POLA1: variants seen among roughly 807,000 people sequenced by gnomAD.
The protein encoded by POLA1 is DNA polymerase alpha 1, catalytic subunit.
Under a neutral mutation model 124.0 loss-of-function variants are expected in POLA1, and 15 were observed. The ratio of observed to expected loss-of-function variants is 0.12; its 90% CI spans 0.08 to 0.19. POLA1 has a LOEUF of 0.19. POLA1 is among the 10% of genes least tolerant of loss of function. The probability of loss-of-function intolerance (pLI) is 1.00; values close to 1 mark genes in which losing one functional copy is unlikely to be tolerated. For synonymous variants in POLA1, 408 were observed against 389.4 expected (o/e 1.05, Z -0.56); for missense variants, 886 against 1,103.4 (o/e 0.80, Z 2.79).
intron 35 of POLA1, among the ~76,000 whole-genome samples, chrX:24,904,859 T>A (rs2047337598): frequency 9.0e-6 from 1 of 110,642 alleles, no homozygotes; most frequent in African/African-American, 3.3e-5. Flanking sequence ...ACCCTGTCTC[T>A]ACTAAAAAGA....
At chrX:24,754,188 C>CT (rs762154995) in intron 26 of POLA1, among the ~76,000 whole-genome samples, 4 of 109,819 alleles carry the variant, frequency 3.6e-5, no homozygotes, top group Non-Finnish European at 5.7e-5. Context: ...TAAGAGAAGT[C>CT]TTTCATCTTT....
At chrX:24,766,817 A>C (rs754649493) in intron 26 of POLA1, among the ~76,000 whole-genome samples, 6 of 111,864 alleles carry the variant, frequency 5.4e-5, no homozygotes, top group African/African-American at 1.9e-4. Flanking sequence ...AGAAAATTAG[A>C]ATTATGGTAG....
intron 34 of POLA1, among the ~76,000 whole-genome samples, chrX:24,852,455 C>T (rs775545853): frequency 8.0e-4 from 88 of 110,427 alleles, no homozygotes; most frequent in African/African-American, 2.2e-3. Flanking sequence ...GGATTACAGG[C>T]GCGTGCCACC....
intron 34 of POLA1, among the ~76,000 whole-genome samples, chrX:24,845,012 G>T (rs578106554): frequency 4.5e-5 from 5 of 111,842 alleles, no homozygotes; most frequent in African/African-American, 1.6e-4. Flanking sequence ...AATACTAGAA[G>T]AAACTTATCT....
intron 24 of POLA1, among the ~76,000 whole-genome samples, chrX:24,746,046 T>C (rs1396397599): frequency 9.0e-6 from 1 of 111,441 alleles, no homozygotes; most frequent in African/African-American, 3.3e-5. Flanking sequence ...TTTTGTTCTT[T>C]TTTGTAATTT....
intron 26 of POLA1, among the ~76,000 whole-genome samples, chrX:24,774,367 A>G (rs929925850): frequency 8.9e-6 from 1 of 111,894 alleles, no homozygotes; most frequent in Non-Finnish European, 1.9e-5. Context: ...CACATTTTTC[A>G]TAAGCATACA....
chrX:24,861,631 G>A (rs974364679), intron 34 of POLA1, among the ~76,000 whole-genome samples: 2 of 112,638 alleles, frequency 1.8e-5, no homozygotes, highest in African/African-American at 6.4e-5. Flanking sequence ...GAGAAGAAAA[G>A]ATGGGCTATT....
intron 26 of POLA1, among the ~76,000 whole-genome samples, chrX:24,798,293 A>G (rs1473411453): frequency 9.0e-6 from 1 of 111,081 alleles, no homozygotes; most frequent in Non-Finnish European, 1.9e-5. Context: ...ATTGATTCTT[A>G]AATATATAGT....
At chrX:24,992,469 T>A (rs1601938922) in intron 36 of POLA1, among the ~76,000 whole-genome samples, 1 of 112,704 alleles carries the variant, frequency 8.9e-6, no homozygotes, top group East Asian at 2.8e-4. Flanking sequence ...ACTGACTGTA[T>A]AACACCTGAC....
intron 32 of POLA1, among the ~76,000 whole-genome samples, chrX:24,828,159 A>G (rs1424127473): frequency 8.9e-6 from 1 of 112,957 alleles, no homozygotes; most frequent in Non-Finnish European, 1.9e-5. Context: ...TCAGCTGGGA[A>G]GAGAGGACTG....
chrX:24,992,208 A>G (rs1306990409), intron 36 of POLA1, among the ~76,000 whole-genome samples: 1 of 111,362 alleles, frequency 9.0e-6, no homozygotes, highest in Non-Finnish European at 1.9e-5. Context: ...CTCTACGTGT[A>G]GAGAGCGTAG....
chrX:24,744,678 C>T (rs371439378), intron 23 of POLA1: 73 of 302,215 alleles, frequency 2.4e-4, no homozygotes, highest in African/African-American at 1.6e-3. Flanking sequence ...CTCTACCAGG[C>T]GCGGTGGCTC....
At chrX:24,738,186 G>A (rs1931404952) in intron 19 of POLA1, among the ~76,000 whole-genome samples, 1 of 92,098 alleles carries the variant, frequency 1.1e-5, no homozygotes, top group African/African-American at 4.4e-5. Context: ...GCAGTCCGCA[G>A]TCCGGCCTGG....
rs2048602785 is a variant in POLA1 at position 24,996,071 on chromosome X, T to G, written c.*121T>G. On this transcript the variant is annotated 3_prime_UTR_variant, in exon 37 of 37. Transcript: ENST00000379068. Reference sequence around the variant, plus strand: ...TCTCCCTTGGGACTGTGTCTCATGTTTGTGTGAATGTAGACCAGGAAAGGG... The same window carrying G: ...TCTCCCTTGGGACTGTGTCTCATGTGTGTGTGAATGTAGACCAGGAAAGGG... 1 of 623,139 alleles carries G rather than the reference T, an allele frequency of 1.6e-6. No individual in the cohort carries two copies. The highest frequency in any genetic ancestry group is 2.5e-6 in the Non-Finnish European group (1 of 404,578). The allele number at this position is 623,139 out of a possible 1,213,427, so 51.4% of individuals were successfully genotyped here. A position where few individuals can be genotyped will look rare whatever the true frequency, so the allele number is the denominator to read the frequency against.
chrX:24,836,832 C>T (rs2046347485), intron 32 of POLA1, among the ~76,000 whole-genome samples: 1 of 111,803 alleles, frequency 8.9e-6, no homozygotes, highest in African/African-American at 3.3e-5. Context: ...GTAATATTTG[C>T]ATATAGATAA....
chrX:24,847,366 A>C (rs2046489921), intron 34 of POLA1, among the ~76,000 whole-genome samples: 1 of 112,483 alleles, frequency 8.9e-6, no homozygotes, highest in Non-Finnish European at 1.9e-5. Context: ...TAGTCAACTC[A>C]AATACGTTCC....
intron 29 of POLA1, 133 bp downstream of exon 29, chrX:24,812,996 GA>G (rs1178524842): frequency 5.3e-6 from 2 of 377,429 alleles, no homozygotes; most frequent in African/African-American, 5.2e-5. Context: ...TTATTAATAA[GA>G]ATTATTAATC....
chrX:24,909,061 C>T (rs751718752), intron 35 of POLA1, among the ~76,000 whole-genome samples: 6 of 112,010 alleles, frequency 5.4e-5, no homozygotes, highest in South Asian at 7.4e-4. Flanking sequence ...TCATATCCTC[C>T]GCCCACTTCT....
chrX:24,950,650 A>G (rs1333670758), intron 36 of POLA1, among the ~76,000 whole-genome samples: 1 of 112,165 alleles, frequency 8.9e-6, no homozygotes, highest in Non-Finnish European at 1.9e-5. Flanking sequence ...TGAATCATAC[A>G]CAGGTAGCAT....
Sources: allele counts gnomAD v4.1 joint callset (sites outside exome capture counted in the v4.1 genomes callset), GRCh38; gene constraint gnomAD v4.1.1; transcripts MANE v1.5; gene names NCBI Gene and HGNC (gene_info 2026-07-23, HGNC 2026-07-21).